GRM7: variants seen among roughly 807,000 people sequenced by gnomAD.
The protein encoded by GRM7 is glutamate metabotropic receptor 7, also known as metabotropic glutamate receptor 7.
A neutral mutation model predicts 84.5 loss-of-function variants in GRM7; 35 were observed. That is an observed-to-expected ratio of 0.41 (90% CI 0.32 to 0.55). GRM7 has a LOEUF of 0.55. Among genes scored for constraint, GRM7 ranks in the 20% least tolerant of loss-of-function variants. The probability of loss-of-function intolerance (pLI) is 0.19; values close to 1 mark genes in which losing one functional copy is unlikely to be tolerated. For synonymous variants in GRM7, 487 were observed against 455.1 expected (o/e 1.07, Z -0.89); for missense variants, 1,003 against 1,194.6 (o/e 0.84, Z 2.36).
intron 1 of GRM7, among the ~76,000 whole-genome samples, chr3:7,114,139 G>A (rs1692952237): frequency 6.6e-6 from 1 of 152,056 alleles, no homozygotes. Context: ...AACATTTTGG[G>A]GAAAACGTGT....
In GRM7 at chr3:7,594,938, C is replaced by CTGTGTGTG. The variant is rs3840238; in HGVS notation, c.2451+15597_2451+15604dup. 1.2e-3 allele frequency among the ~76,000 whole-genome samples: 187 copies of CTGTGTGTG among 150,120 alleles called. 4 individuals are homozygous for CTGTGTGTG. In the South Asian group the frequency reaches 0.031, roughly 25 times the overall value. On this transcript the variant is annotated intron_variant, in intron 8 of 9. Transcript: ENST00000357716. The stretch of plus-strand genomic sequence containing the variant: ...GCCTTCTATTCCCTAGTCTTCCTTT[C>CTGTGTGTG]TGTGTGTGTGTGTGTGTGTGTGTTT...
rs191439988 is a variant in GRM7, at chr3:7,336,596, T to G, written c.1033+29944T>G. 1.3e-3 allele frequency among the ~76,000 whole-genome samples: 190 copies of G among 151,876 alleles called. 1 individual carries two copies. The highest frequency in any genetic ancestry group is 6.9e-3 in the Middle Eastern group (2 of 290). On this transcript the variant is annotated intron_variant, in intron 4 of 9. Transcript: ENST00000357716. ...AGCATCCAAGTCAGTAAAGAGGAAG[T>G]CAAACTGTCTCTGTTCACTGATGAT...
chr3:7,243,515 T>C (rs1354452778), intron 2 of GRM7, among the ~76,000 whole-genome samples: 1 of 152,114 alleles, frequency 6.6e-6, no homozygotes, highest in Non-Finnish European at 1.5e-5. Flanking sequence ...TATAAAACTT[T>C]CCTAGAGTTT....
intron 1 of GRM7, among the ~76,000 whole-genome samples, chr3:6,957,420 G>A (rs1041514849): frequency 6.6e-6 from 1 of 152,156 alleles, no homozygotes; most frequent in East Asian, 1.9e-4. Context: ...GGCTGCATTT[G>A]ACATCTGCAA....
intron 7 of GRM7, among the ~76,000 whole-genome samples, chr3:7,541,724 C>G (rs73017897): frequency 0.01 from 1,594 of 152,324 alleles, 16 homozygotes; most frequent in Middle Eastern, 0.017. Flanking sequence ...GCTGCCTTGG[C>G]TTGCCTTCAA....
chr3:7,677,284 A>C (rs903586085), intron 8 of GRM7, among the ~76,000 whole-genome samples: 7 of 149,340 alleles, frequency 4.7e-5, no homozygotes, highest in South Asian at 2.1e-4. Context: ...AAAAAAAAAA[A>C]AAAAAAAAAA....
chr3:7,024,985 T>A (rs1192040320), intron 1 of GRM7, among the ~76,000 whole-genome samples: 1 of 152,190 alleles, frequency 6.6e-6, no homozygotes, highest in Non-Finnish European at 1.5e-5. Flanking sequence ...GGCAGGGCAG[T>A]GTTCCAATCT....
chr3:7,689,328 T>C (rs1318971168), intron 9 of GRM7, among the ~76,000 whole-genome samples: 1 of 152,204 alleles, frequency 6.6e-6, no homozygotes, highest in Non-Finnish European at 1.5e-5. Flanking sequence ...CAAGTTTTCG[T>C]ATCATGTTGG....
chr3:7,397,277 G>T (rs1179846896), intron 4 of GRM7, among the ~76,000 whole-genome samples: 2 of 152,094 alleles, frequency 1.3e-5, no homozygotes, highest in African/African-American at 4.8e-5. Context: ...GGAACAGTGT[G>T]TCATACAATT....
rs535417600 is a variant in GRM7, at chr3:7,264,463, G to C, written c.737-34221G>C. Among the ~76,000 whole-genome samples, 5 of 152,232 alleles carry C rather than the reference G, an allele frequency of 3.3e-5. No homozygotes were observed. The East Asian group carries it at 7.7e-4, about 24-fold the overall frequency. Reference sequence around the variant, plus strand: ...CCAGGATTCCAGAGGCCTGTAGTAAGAGCAGGTTGCTCCTTGCCTGTTCAA... The same window carrying C: ...CCAGGATTCCAGAGGCCTGTAGTAACAGCAGGTTGCTCCTTGCCTGTTCAA... On this transcript the variant is annotated intron_variant, in intron 2 of 9. Transcript: ENST00000357716.
intron 2 of GRM7, among the ~76,000 whole-genome samples, chr3:7,290,921 T>C (rs1699597529): frequency 6.6e-6 from 1 of 152,034 alleles, no homozygotes; most frequent in South Asian, 2.1e-4. Context: ...GTATCTTAAC[T>C]CTCAGTACCT....
At chr3:7,064,548 G>GAGAT (rs776884687) in intron 1 of GRM7, among the ~76,000 whole-genome samples, 2 of 89,538 alleles carry the variant, frequency 2.2e-5, no homozygotes, top group Non-Finnish European at 4.3e-5. Context: ...ATCATGTATG[G>GAGAT]ATATATATAT....
chr3:7,097,017 A>G (rs1013877214), intron 1 of GRM7, among the ~76,000 whole-genome samples: 6 of 152,196 alleles, frequency 3.9e-5, no homozygotes, highest in Admixed American at 6.6e-5. Context: ...AATAATAAAC[A>G]CAAAATGCCT....
At chr3:7,162,653 T>G (rs935138670) in intron 2 of GRM7, among the ~76,000 whole-genome samples, 3 of 149,570 alleles carry the variant, frequency 2.0e-5, no homozygotes, top group Admixed American at 1.4e-4. Flanking sequence ...CTGTCAGGTG[T>G]GAGGGGCTTA....
rs376671013 is a variant in GRM7 at position 7,686,314 on chromosome 3, C to G, written c.2698+6019C>G. ...TAATAATAAAAAGTAATATTGTGTG[C>G]ACATTTATTTTATACATACCTATAT... is the stretch of plus-strand genomic sequence containing the variant. On this transcript the variant is annotated intron_variant, in intron 9 of 9. Transcript: ENST00000357716. 1.0e-4 allele frequency: 84 copies of G among 807,880 alleles called. No individual in the cohort carries two copies. The African/African-American group carries it at 1.3e-3, about 12-fold the overall frequency. The allele number at this position is 807,880 out of a possible 1,614,324, so 50.0% of individuals were successfully genotyped here. A position where few individuals can be genotyped will look rare whatever the true frequency, so the allele number is the denominator to read the frequency against.
chr3:7,717,271 C>A (rs1243152149), intron 9 of GRM7, among the ~76,000 whole-genome samples: 1 of 151,950 alleles, frequency 6.6e-6, no homozygotes, highest in African/African-American at 2.4e-5. Flanking sequence ...AAACTTACTT[C>A]TTAAAAAAAA....
At chr3:7,571,672 C>T (rs549367108) in intron 7 of GRM7, among the ~76,000 whole-genome samples, 1 of 152,318 alleles carries the variant, frequency 6.6e-6, no homozygotes, top group African/African-American at 2.4e-5. Context: ...ACTGTTCCAA[C>T]CTCTGCCTAT....
chr3:7,719,760 C>A (rs1210889805), intron 9 of GRM7, among the ~76,000 whole-genome samples: 1 of 145,408 alleles, frequency 6.9e-6, no homozygotes, highest in African/African-American at 2.6e-5. Context: ...TGCAGTGAGC[C>A]AAGATTGCAC....
intron 1 of GRM7, among the ~76,000 whole-genome samples, chr3:6,880,841 A>C (rs1434087958): frequency 6.6e-6 from 1 of 152,210 alleles, no homozygotes; most frequent in African/African-American, 2.4e-5. Flanking sequence ...TTTGCAAAAA[A>C]AGGTAGCGAT....
Sources: allele counts gnomAD v4.1 joint callset (sites outside exome capture counted in the v4.1 genomes callset), GRCh38; gene constraint gnomAD v4.1.1; transcripts MANE v1.5; gene names NCBI Gene and HGNC (gene_info 2026-07-23, HGNC 2026-07-21).